The following PECR variants were observed in gnomAD, a reference collection of about 807,000 sequenced individuals.
PECR encodes the protein 2,4-dienoyl-CoA reductase-related protein.
PECR carries 30 observed loss-of-function variants against 35.3 expected under a neutral mutation model. The ratio of observed to expected loss-of-function variants is 0.85; its 90% CI spans 0.64 to 1.15. The LOEUF (loss-of-function observed/expected upper bound fraction) is 1.15. PECR is among the 50% of genes most tolerant of loss of function. PECR has a pLI of 0.00. For missense variants in PECR, 392 were observed against 370.8 expected (o/e 1.06, Z -0.47); for synonymous variants, 148 against 138.9 (o/e 1.07, Z -0.46).
chr2:216,054,434 C>A (rs1433917348), intron 4 of PECR, among the ~76,000 whole-genome samples: 2 of 128,120 alleles, frequency 1.6e-5, no homozygotes, highest in Non-Finnish European at 3.1e-5. Flanking sequence ...CTCCCAGATT[C>A]AAGTGATTCT....
At position 216,049,351 on chromosome 2, in the gene PECR, G is replaced by A. The variant is rs1233491769; in HGVS notation, c.626C>T (p.Ala209Val). ...VAPGVIYSQTAVENYGSWGQS... is the reference protein window; with the variant it reads ...VAPGVIYSQTVVENYGSWGQS... Reference sequence around the variant, plus strand: ...TCCCCAGGAACCATAGTTCTCCACAGCAGTCTGGGAATAAATAACTCCCTG... The same window carrying A: ...TCCCCAGGAACCATAGTTCTCCACAACAGTCTGGGAATAAATAACTCCCTG... Residue 209 changes from alanine to valine, a missense_variant, in exon 6 of 8, where the codon GCT becomes GTT. Transcript: ENST00000265322. 1.9e-6 allele frequency: 3 copies of A among 1,562,712 alleles called. No homozygotes were observed. The highest frequency in any genetic ancestry group is 2.6e-6 in the Non-Finnish European group (3 of 1,133,140).
At chr2:216,040,631 G>A (rs1471102148) in intron 7 of PECR, among the ~76,000 whole-genome samples, 6 of 152,226 alleles carry the variant, frequency 3.9e-5, no homozygotes, top group African/African-American at 9.6e-5. Flanking sequence ...CACTTTGGGA[G>A]GCCGAGGCAG....
intron 1 of PECR, among the ~76,000 whole-genome samples, chr2:216,071,975 A>G (rs1196328417): frequency 2.0e-5 from 3 of 152,216 alleles, no homozygotes; most frequent in African/African-American, 4.8e-5. Flanking sequence ...GATCATTGTT[A>G]CAATGCCACA....
At chr2:216,061,978 G>C (rs1425926043) in intron 3 of PECR, among the ~76,000 whole-genome samples, 2 of 151,798 alleles carry the variant, frequency 1.3e-5, no homozygotes, top group Non-Finnish European at 2.9e-5. Context: ...GTATGTGTGT[G>C]TGTGTGCATG....
intron 1 of PECR, among the ~76,000 whole-genome samples, chr2:216,074,450 G>GA (rs770006910): frequency 1.9e-5 from 2 of 107,822 alleles, no homozygotes; most frequent in African/African-American, 1.0e-4. Flanking sequence ...GAAAAAGAAA[G>GA]AAAAGAAAGA....
rs183513958 is a variant in PECR, at chr2:216,048,311, G to A, written c.714+952C>T. 5.7e-3 allele frequency among the ~76,000 whole-genome samples: 859 copies of A among 149,948 alleles called. 11 individuals are homozygous for A. Among genetic ancestry groups the A allele is most frequent in the African/African-American group, 0.02 (812 of 40,702 alleles). On this transcript the variant is annotated intron_variant, in intron 6 of 7. Transcript: ENST00000265322. ...AGGATGGTCTCGATCTTCTGAACTC[G>A]TGATCCGCCTGCCTCGGCCTCCCAA...
In PECR at chr2:216,065,338, G is replaced by A. The variant is rs767429439; in HGVS notation, c.398C>T (p.Thr133Met). The A allele has an allele frequency of 2.4e-5, 39 of 1,611,392 alleles. No individual in the cohort carries two copies. The highest frequency in any genetic ancestry group is 8.3e-5 in the Admixed American group (5 of 59,992). Residue 133 changes from threonine to methionine, a missense_variant, in exon 3 of 8, where the codon ACG becomes ATG. Coordinates refer to ENST00000265322, the MANE Select transcript of PECR (RefSeq NM_018441.6). Reference protein sequence around the residue: ...GWHAVLETNLTGTFYMCKAVY... With the variant: ...GWHAVLETNLMGTFYMCKAVY... ...TGCTTTGCACATGTAGAAGGTACCC[G>A]TCAGGTTGGTCTCAAGCACAGCGTG...
At position 216,061,311 on chromosome 2, in the gene PECR, CAAAAAAAAAA is replaced by C. The variant is rs56791924; in HGVS notation, c.425-2345_425-2336del. On this transcript the variant is annotated intron_variant, in intron 3 of 7. Transcript: ENST00000265322. ...CAGGTGACAGAGTGAAACCCTGTCT[CAAAAAAAAAA>C]AAAAAAAAAAAAAAAAAAAAAAGGA... Among the ~76,000 whole-genome samples, 445 of 44,942 alleles carry C rather than the reference CAAAAAAAAAA, an allele frequency of 9.9e-3. 1 individual carries two copies. The highest frequency in any genetic ancestry group is 0.016 in the African/African-American group (167 of 10,724). 29.5% of individuals were successfully genotyped at this position (44,942 alleles called of 152,430 possible). A position where few individuals can be genotyped will look rare whatever the true frequency, so the allele number is the denominator to read the frequency against.
intron 1 of PECR, among the ~76,000 whole-genome samples, chr2:216,081,096 G>A (rs1234671074): frequency 6.6e-6 from 1 of 152,148 alleles, no homozygotes; most frequent in Non-Finnish European, 1.5e-5. Flanking sequence ...CATACAGGTA[G>A]ATTGATTTAT....
chr2:216,035,282 C>T (rs1236491076), downstream of PECR, among the ~76,000 whole-genome samples: 2 of 152,126 alleles, frequency 1.3e-5, no homozygotes, highest in Non-Finnish European at 2.9e-5. Context: ...CACCAGCTTC[C>T]CAGCACCTCC....
chr2:216,064,796 C>T (rs1000810811), intron 3 of PECR, among the ~76,000 whole-genome samples: 1 of 152,160 alleles, frequency 6.6e-6, no homozygotes, highest in Non-Finnish European at 1.5e-5. Flanking sequence ...CTGTATTTTT[C>T]ATCATAAGAA....
At chr2:216,080,155 C>T (rs1003897017) in intron 1 of PECR, among the ~76,000 whole-genome samples, 2 of 151,912 alleles carry the variant, frequency 1.3e-5, no homozygotes, top group Admixed American at 1.3e-4. Flanking sequence ...GACGTCAGCT[C>T]ATTGCAACCT....
chr2:216,065,372 T>C lies in PECR; in HGVS notation c.364A>G (p.Lys122Glu). 1 of 1,610,860 alleles carries C rather than the reference T, an allele frequency of 6.2e-7. No homozygotes were observed. The highest frequency in any genetic ancestry group is 8.5e-7 in the Non-Finnish European group (1 of 1,176,966). Reference sequence around the variant, plus strand: ...GTCTCAAGCACAGCGTGCCATCCCTTAGAACTGATGTGTTCAGCAGGGGAA... The same window carrying C: ...GTCTCAAGCACAGCGTGCCATCCCTCAGAACTGATGTGTTCAGCAGGGGAA... ...FLSPAEHISS[K>E]GWHAVLETNL... is the part of the protein sequence containing the mutation. The change falls in exon 3 of 8, where the codon AAG becomes GAG. Residue 122 changes from lysine to glutamate, a missense_variant. Coordinates refer to ENST00000265322, the MANE Select transcript of PECR (RefSeq NM_018441.6).
chr2:216,030,345 C>T (rs562284073), intron 7 of PECR, among the ~76,000 whole-genome samples: 1 of 152,270 alleles, frequency 6.6e-6, no homozygotes, highest in East Asian at 1.9e-4. Flanking sequence ...TCCAATGCCA[C>T]TTCTGCCATG....
intron 4 of PECR, among the ~76,000 whole-genome samples, chr2:216,056,259 G>A (rs947714873): frequency 2.0e-5 from 3 of 152,058 alleles, no homozygotes; most frequent in African/African-American, 7.3e-5. Flanking sequence ...TTAAAAAAAA[G>A]GAGTGCTCAA....
intron 1 of PECR, among the ~76,000 whole-genome samples, chr2:216,068,747 C>T (rs1380580655): frequency 6.6e-6 from 1 of 151,524 alleles, no homozygotes; most frequent in African/African-American, 2.4e-5. Flanking sequence ...CACTGATCCT[C>T]CCACCCCAGC....
At chr2:216,077,365 G>A (rs886098201) in intron 1 of PECR, among the ~76,000 whole-genome samples, 1 of 151,872 alleles carries the variant, frequency 6.6e-6, no homozygotes, top group Admixed American at 6.6e-5. Flanking sequence ...AACTTAGCCG[G>A]GTGTGGTGGT....
At chr2:216,039,492 C>A in intron 7 of PECR, 132 bp from the exon 8 acceptor site, 1 of 687,676 alleles carries the variant, frequency 1.5e-6, no homozygotes, top group South Asian at 1.5e-5. Context: ...TTAGGGCAAA[C>A]ATTTGAGAAA....
intron 4 of PECR, among the ~76,000 whole-genome samples, chr2:216,058,658 C>A (rs1695276228): frequency 6.6e-6 from 1 of 151,970 alleles, no homozygotes; most frequent in Non-Finnish European, 1.5e-5. Flanking sequence ...GAACATCAGA[C>A]AAAAAACAAA....
Sources: gnomAD v4.1 joint callset for allele counts (sites outside exome capture counted in the v4.1 genomes callset) on GRCh38, gnomAD v4.1.1 for gene constraint, MANE v1.5 for transcripts, NCBI Gene and HGNC (gene_info 2026-07-23, HGNC 2026-07-21) for gene names.